GDAP2: variants seen among roughly 807,000 people sequenced by gnomAD.
GDAP2 encodes ganglioside induced differentiation associated protein 2, also known as ganglioside-induced differentiation-associated protein 2.
Under a neutral mutation model 67.0 loss-of-function variants are expected in GDAP2, and 51 were observed. The observed-to-expected ratio is 0.76, with a 90% CI of 0.61 to 0.96. The LOEUF (loss-of-function observed/expected upper bound fraction) is 0.96. Among genes scored for constraint, GDAP2 ranks in the 40% least tolerant of loss-of-function variants. The pLI is 0.00. For missense variants in GDAP2, 547 were observed against 588.3 expected (o/e 0.93, Z 0.73); for synonymous variants, 203 against 207.3 (o/e 0.98, Z 0.18).
At chr1:117,897,102 G>A in intron 7 of GDAP2, 113 bp from the exon 8 acceptor site, 5 of 651,636 alleles carry the variant, frequency 7.7e-6, no homozygotes, top group African/African-American at 1.8e-5. Flanking sequence ...TGGGGTCAAG[G>A]TTATTTTTGA....
At chr1:117,893,234 A>T (rs1410959164) in intron 8 of GDAP2, among the ~76,000 whole-genome samples, 1 of 152,204 alleles carries the variant, frequency 6.6e-6, no homozygotes, top group Non-Finnish European at 1.5e-5. Flanking sequence ...CTTCCTGTAA[A>T]ATAACTTGAA....
chr1:117,911,299 C>T (rs568278540), intron 5 of GDAP2, among the ~76,000 whole-genome samples: 12 of 152,224 alleles, frequency 7.9e-5, no homozygotes, highest in Non-Finnish European at 8.8e-5. Flanking sequence ...ATTGACTGAG[C>T]CCAGTCTTTT....
rs566923850 is a variant in GDAP2 at position 117,903,992 on chromosome 1, CTTTTT to C, written c.636+2509_636+2513del. On this transcript the variant is annotated intron_variant, in intron 6 of 13. Coordinates refer to ENST00000369443, the MANE Select transcript of GDAP2 (RefSeq NM_017686.4). ...ATCTATGAGTTTATGATTTTTTTTTCTTTTTTTTTTTTTGAGACAGAGTCTTGCTC... is the reference window on the plus strand; with the variant it reads ...ATCTATGAGTTTATGATTTTTTTTTCTTTTTTTTGAGACAGAGTCTTGCTC... Among the ~76,000 whole-genome samples, 890 of 142,022 alleles carry C rather than the reference CTTTTT, an allele frequency of 6.3e-3. 11 individuals are homozygous for C. Among genetic ancestry groups the C allele is most frequent in the African/African-American group, 0.021 (831 of 39,012 alleles). The allele number at this position is 142,022 out of a possible 152,430, so 93.2% of individuals were successfully genotyped here.
intron 6 of GDAP2, among the ~76,000 whole-genome samples, chr1:117,902,563 C>T (rs925432244): frequency 6.6e-6 from 1 of 152,194 alleles, no homozygotes; most frequent in African/African-American, 2.4e-5. Context: ...AAAGGCTATT[C>T]TTTCCCTCAT....
At position 117,864,857 on chromosome 1, in the gene GDAP2, T is replaced by C. The variant is rs1265788118; in HGVS notation, c.*5712A>G. 2 of 152,110 alleles carry C rather than the reference T, an allele frequency of 1.3e-5. No homozygotes were observed. Among genetic ancestry groups the C allele is most frequent in the East Asian group, 1.9e-4 (1 of 5,182 alleles). 9.4% of individuals were successfully genotyped at this position (152,110 alleles called of 1,614,324 possible). On this transcript the variant is annotated 3_prime_UTR_variant, in exon 14 of 14. Transcript: ENST00000369443. ...TCTATTATCACCAACCTCACAGGAT[T>C]TGTAAGAGCATTAGAAGAGACGATG...
chr1:117,872,383 A>T (rs1283150427), intron 13 of GDAP2, among the ~76,000 whole-genome samples: 1 of 152,172 alleles, frequency 6.6e-6, no homozygotes, highest in African/African-American at 2.4e-5. Context: ...ATAAAGATAC[A>T]TGCACATGTA....
chr1:117,894,765 A>T (rs1441628423), intron 8 of GDAP2, among the ~76,000 whole-genome samples: 1 of 152,216 alleles, frequency 6.6e-6, no homozygotes, highest in Non-Finnish European at 1.5e-5. Context: ...GTGTTTTCCC[A>T]AAAATGAATA....
Position 117,918,681 on chromosome 1 carries a change from T to G in GDAP2, c.232A>C (p.Ser78Arg). 6.2e-7 allele frequency: 1 copy of G among 1,600,002 alleles called. No homozygotes were observed. Among genetic ancestry groups the G allele is most frequent in the South Asian group, 1.1e-5 (1 of 90,794 alleles). Residue 78 changes from serine (S) to arginine (R), a missense_variant, in exon 3 of 14, where the codon AGT (serine) becomes CGT (arginine). Transcript: ENST00000369443. ...CTAIVNTSNE[S>R]LTDKNPVSES... ...GACACAGGATTCTTATCTGTGAGAC[T>G]TTCATTGCTGGTATTCACAATGGCT...
intron 10 of GDAP2, among the ~76,000 whole-genome samples, chr1:117,884,107 T>C (rs1648765498): frequency 6.6e-6 from 1 of 152,186 alleles, no homozygotes; most frequent in African/African-American, 2.4e-5. Flanking sequence ...CAAGAATTAC[T>C]ATAAAAAGAT....
At chr1:117,885,385 TTGAGA>T (rs1168056341) in intron 10 of GDAP2, among the ~76,000 whole-genome samples, 6 of 152,186 alleles carry the variant, frequency 3.9e-5, no homozygotes, top group Admixed American at 1.3e-4. Context: ...ATCCCTTTCC[TTGAGA>T]TATTTTCCTT....
intron 6 of GDAP2, among the ~76,000 whole-genome samples, chr1:117,903,992 CT>C (rs566923850): frequency 2.1e-3 from 294 of 141,868 alleles, no homozygotes; most frequent in African/African-American, 3.3e-3. Context: ...ATTTTTTTTT[CT>C]TTTTTTTTTT....
chr1:117,909,547 T>G (rs191408488), intron 5 of GDAP2, among the ~76,000 whole-genome samples: 7 of 152,338 alleles, frequency 4.6e-5, no homozygotes, highest in Admixed American at 4.6e-4. Flanking sequence ...TACAAAAGTG[T>G]ATAAGCCATT....
chr1:117,873,928 T>C (rs566278187), intron 13 of GDAP2, among the ~76,000 whole-genome samples: 74 of 152,338 alleles, frequency 4.9e-4, no homozygotes, highest in African/African-American at 1.7e-3. Context: ...CCTTTACTAA[T>C]AGACCTCATC....
chr1:117,876,882 G>A (rs1648474053), intron 13 of GDAP2, among the ~76,000 whole-genome samples: 1 of 152,062 alleles, frequency 6.6e-6, no homozygotes, highest in South Asian at 2.1e-4. Context: ...GCTATGAATT[G>A]TCTTCAAAAT....
chr1:117,867,527 G>GA lies in GDAP2; in HGVS notation c.*3041dup, dbSNP rs745964438. ...AACATGGTGAAACCCTGTCTCTACT[G>GA]AAAAAAAAAAAAAAAAAAAAAAAAA... On this transcript the variant is annotated 3_prime_UTR_variant, in exon 14 of 14. Coordinates refer to ENST00000369443, the MANE Select transcript of GDAP2 (RefSeq NM_017686.4). The GA allele has an allele frequency of 0.014, 1,140 of 79,956 alleles. 12 individuals carry two copies. Among genetic ancestry groups the GA allele is most frequent in the Non-Finnish European group, 0.02 (805 of 41,276 alleles). The allele number at this position is 79,956 out of a possible 1,614,324, so 5.0% of individuals were successfully genotyped here. A position where few individuals can be genotyped will look rare whatever the true frequency, so the allele number is the denominator to read the frequency against.
chr1:117,920,737 G>GA (rs34582428), intron 1 of GDAP2, among the ~76,000 whole-genome samples: 2,395 of 120,150 alleles, frequency 0.02, 43 homozygotes, highest in African/African-American at 0.05. Context: ...GCCTACTATT[G>GA]AAAAAAAAAA....
chr1:117,918,974 C>T (rs1370157734), intron 2 of GDAP2, among the ~76,000 whole-genome samples: 1 of 152,138 alleles, frequency 6.6e-6, no homozygotes, highest in African/African-American at 2.4e-5. Context: ...GAAATAGCAG[C>T]ATTACTTATT....
Position 117,870,184 on chromosome 1 carries a change from G to A in GDAP2, c.*385C>T, listed in dbSNP as rs963442174. 6 of 215,766 alleles carry A rather than the reference G, an allele frequency of 2.8e-5. No individual in the cohort carries two copies. The highest frequency in any genetic ancestry group is 9.5e-5 in the African/African-American group (4 of 42,294). 13.4% of individuals were successfully genotyped at this position (215,766 alleles called of 1,614,324 possible). ...AGCATACATTGGTTCTGTATATTTC[G>A]AGAATCACTTAAGTACACAAAGGAA... On this transcript the variant is annotated 3_prime_UTR_variant, in exon 14 of 14. Coordinates refer to ENST00000369443, the MANE Select transcript of GDAP2 (RefSeq NM_017686.4).
At chr1:117,879,472 AATGATG>A (rs967824286) in intron 12 of GDAP2, among the ~76,000 whole-genome samples, 3 of 151,952 alleles carry the variant, frequency 2.0e-5, no homozygotes, top group East Asian at 1.9e-4. Flanking sequence ...TAAGAATGAT[AATGATG>A]ATGATGATGA....
Sources: gnomAD v4.1 joint callset for allele counts (sites outside exome capture counted in the v4.1 genomes callset) on GRCh38, gnomAD v4.1.1 for gene constraint, MANE v1.5 for transcripts, NCBI Gene and HGNC (gene_info 2026-07-23, HGNC 2026-07-21) for gene names.